The following MED24 variants were observed in gnomAD, a reference collection of about 807,000 sequenced individuals.
The protein encoded by MED24 is mediator of RNA polymerase II transcription subunit 24.
A neutral mutation model predicts 118.8 loss-of-function variants in MED24; 74 were observed. That is an observed-to-expected ratio of 0.62 (90% CI 0.52 to 0.76). The LOEUF is 0.76. MED24 is among the 30% of genes least tolerant of loss of function. The pLI, the probability that MED24 is intolerant of heterozygous loss-of-function variation, is 0.00. For synonymous variants in MED24, 521 were observed against 523.9 expected (o/e 0.99, Z 0.08); for missense variants, 1,041 against 1,278.9 (o/e 0.81, Z 2.84).
intron 9 of MED24, 54 bp from the exon 10 acceptor site, chr17:40,032,144 T>C: frequency 6.3e-7 from 1 of 1,591,962 alleles, no homozygotes; most frequent in Non-Finnish European, 8.6e-7. Flanking sequence ...TTCTCTTTCA[T>C]CTACCCCTGA....
chr17:40,037,412 C>T (rs544148861), intron 3 of MED24, among the ~76,000 whole-genome samples: 2 of 152,206 alleles, frequency 1.3e-5, no homozygotes, highest in African/African-American at 4.8e-5. Context: ...CATTACACGG[C>T]GGGTGCCTGC....
At chr17:40,022,999 T>C (rs1982217094) in intron 20 of MED24, 132 bp downstream of exon 20, 1 of 1,387,960 alleles carries the variant, frequency 7.2e-7, no homozygotes, top group Non-Finnish European at 9.7e-7. Flanking sequence ...AGGAGGCAAC[T>C]CTGAGGCGAG....
intron 3 of MED24, among the ~76,000 whole-genome samples, chr17:40,053,023 TC>T (rs1181911660): frequency 6.6e-6 from 1 of 152,100 alleles, no homozygotes; most frequent in Admixed American, 6.6e-5. Flanking sequence ...AGTCTCGACC[TC>T]CCAGGGCTCA....
chr17:40,036,035 G>A (rs529452442), intron 4 of MED24, 81 bp downstream of exon 4: 21 of 1,459,620 alleles, frequency 1.4e-5, no homozygotes, highest in Middle Eastern at 1.7e-4. Flanking sequence ...CCAGCCTCAC[G>A]GGTCACAGCA....
intron 3 of MED24, among the ~76,000 whole-genome samples, chr17:40,047,136 T>G (rs1250809793): frequency 6.6e-6 from 1 of 152,074 alleles, no homozygotes; most frequent in Non-Finnish European, 1.5e-5. Flanking sequence ...ATAAAAAGAA[T>G]GTACTATTAA....
At chr17:40,038,104 CA>C in intron 3 of MED24, among the ~76,000 whole-genome samples, 1 of 151,698 alleles carries the variant, frequency 6.6e-6, no homozygotes, top group African/African-American at 2.4e-5. Flanking sequence ...CTTACTTGAC[CA>C]AGGAATTTCA....
At chr17:40,029,572 C>T (rs544398753) in intron 13 of MED24, among the ~76,000 whole-genome samples, 176 bp downstream of exon 13, 4 of 152,194 alleles carry the variant, frequency 2.6e-5, no homozygotes, top group Admixed American at 6.5e-5. Flanking sequence ...GAAGCTCCCA[C>T]GGGTTAGCAT....
intron 6 of MED24, among the ~76,000 whole-genome samples, chr17:40,034,562 C>T (rs1346595200): frequency 6.6e-6 from 1 of 152,190 alleles, no homozygotes; most frequent in Non-Finnish European, 1.5e-5. Flanking sequence ...TGTCTGTTCT[C>T]AGGCTCTGGA....
chr17:40,035,636 T>A (rs1983850103), intron 5 of MED24, 86 bp downstream of exon 5: 1 of 1,444,492 alleles, frequency 6.9e-7, no homozygotes, highest in African/African-American at 1.4e-5. Flanking sequence ...CCGGAGTTGG[T>A]CTCGGTCTGT....
At chr17:40,042,230 G>A (rs9903676) in intron 3 of MED24, among the ~76,000 whole-genome samples, 11,565 of 152,066 alleles carry the variant, frequency 0.076, 1,509 homozygotes, top group African/African-American at 0.26. Context: ...GGATTTTTAT[G>A]GTAACTTAAC....
At chr17:40,053,274 G>A (rs1212085693) in intron 3 of MED24, 24 bp downstream of exon 3, 4 of 1,575,394 alleles carry the variant, frequency 2.5e-6, no homozygotes, top group Non-Finnish European at 2.6e-6. Flanking sequence ...CTCACTTCTT[G>A]GTGGGGGTTT....
At chr17:40,020,037 G>C in intron 24 of MED24, 104 bp from the exon 25 acceptor site, 9 of 1,373,350 alleles carry the variant, frequency 6.6e-6, no homozygotes, top group Non-Finnish European at 9.0e-6. Context: ...AACACATGCT[G>C]AGCATGTCCC....
In MED24 at chr17:40,019,211, C is replaced by CATAA; in HGVS notation, c.*317_*318insTTAT. 3.2e-6 allele frequency: 1 copy of CATAA among 311,754 alleles called. No homozygotes were observed. Among genetic ancestry groups the CATAA allele is most frequent in the Non-Finnish European group, 6.0e-6 (1 of 167,216 alleles). 19.3% of individuals were successfully genotyped at this position (311,754 alleles called of 1,614,324 possible). On this transcript the variant is annotated 3_prime_UTR_variant, in exon 26 of 26. Transcript: ENST00000394128. ...ACACACACACACACACACATACACA[C>CATAA]TTTGCATCTAGAAAGTTCCTCAGAG...
chr17:40,035,632 T>G, intron 5 of MED24, 90 bp downstream of exon 5: 1 of 1,398,350 alleles, frequency 7.2e-7, no homozygotes, highest in Non-Finnish European at 9.9e-7. Context: ...GAACCCGGAG[T>G]TGGTCTCGGT....
At chr17:40,027,803 C>T in intron 15 of MED24, 106 bp downstream of exon 15, 1 of 1,245,740 alleles carries the variant, frequency 8.0e-7, no homozygotes, top group Non-Finnish European at 1.2e-6. Context: ...GAGGAGGGAG[C>T]ACAGCCTCCC....
Position 40,033,005 on chromosome 17 carries a change from C to T in MED24, c.822+51G>A, listed in dbSNP as rs541056233. 2.1e-4 allele frequency: 331 copies of T among 1,607,446 alleles called. 3 individuals are homozygous for T. The South Asian group carries it at 3.5e-3, about 17-fold the overall frequency. Reference sequence around the variant, plus strand: ...ACCAGAAGAATCCTCCCTCCTGCCCCCAACAGGCTGGCCTGCCTTGGAGAA... The same window carrying T: ...ACCAGAAGAATCCTCCCTCCTGCCCTCAACAGGCTGGCCTGCCTTGGAGAA... On this transcript the variant is annotated intron_variant, in intron 8 of 25. Transcript: ENST00000394128. The surrounding 1 kb of genome is among the most constrained non-coding windows in gnomAD (Gnocchi z 5.2).
At chr17:40,050,952 C>T (rs1411550291) in intron 3 of MED24, among the ~76,000 whole-genome samples, 4 of 151,840 alleles carry the variant, frequency 2.6e-5, no homozygotes, top group Non-Finnish European at 4.4e-5. Context: ...GCATGACTAA[C>T]GTGGAGAAAC....
At position 40,053,561 on chromosome 17, in the gene MED24, G is replaced by C. The variant is rs1986059363; in HGVS notation, c.38C>G (p.Ala13Gly). ...VVNLKQAILQ[A>G]WKERWSDYQW... ...GTAGTCACTCCAGCGCTCCTTCCAG[G>C]CTTGCAAAATGGCTTGCTTCAGGTT... The change falls in exon 2 of 26, where the codon GCC (alanine) becomes GGC (glycine). Residue 13 changes from alanine to glycine, a missense_variant. Physicochemically the swap from Ala to Gly is moderately conservative, Grantham distance 60. Transcript: ENST00000394128. The C allele has an allele frequency of 6.2e-7, 1 of 1,614,070 alleles. No homozygotes were observed.
At chr17:40,053,727 G>C in intron 1 of MED24, 92 bp from the exon 2 acceptor site, 1 of 1,506,572 alleles carries the variant, frequency 6.6e-7, no homozygotes, top group Non-Finnish European at 9.1e-7. Context: ...GAGAAGATGC[G>C]GGAAGATTTA....
Sources: allele counts gnomAD v4.1 joint callset (sites outside exome capture counted in the v4.1 genomes callset), GRCh38; gene constraint gnomAD v4.1.1; non-coding constraint Gnocchi (gnomAD v3.1); transcripts MANE v1.5; gene names NCBI Gene and HGNC (gene_info 2026-07-23, HGNC 2026-07-21).